Variants in CIMIP2A observed in about 807,000 individuals in gnomAD.
CIMIP2A encodes ciliary microtubule inner protein 2A.
chr9:137,247,684 G>A, the CIMIP2A span: 20 of 1,613,274 alleles, frequency 1.2e-5, no homozygotes, highest in Middle Eastern at 1.6e-4. Flanking sequence ...AGGCTCCGGC[G>A]TGAAGAGATC....
At chr9:137,250,386 C>G in the CIMIP2A span, 5 of 152,310 alleles carry the variant, frequency 3.3e-5, no homozygotes, top group Non-Finnish European at 7.3e-5. Context: ...CCCCGGAGCA[C>G]AGGCGTGAAC....
chr9:137,243,968 T>A, the CIMIP2A span, among the ~76,000 whole-genome samples: 1 of 152,036 alleles, frequency 6.6e-6, no homozygotes, highest in Non-Finnish European at 1.5e-5. Context: ...GGGCTCGGCC[T>A]GTGTCTGGGA....
chr9:137,245,333 C>A, the CIMIP2A span: 6 of 1,596,668 alleles, frequency 3.8e-6, no homozygotes, highest in Non-Finnish European at 5.1e-6. Context: ...GCCTCGCAAA[C>A]AGGAGTGGCG....
At chr9:137,251,785 G>A in the CIMIP2A span, 1 of 1,592,834 alleles carries the variant, frequency 6.3e-7, no homozygotes, top group African/African-American at 1.3e-5. Context: ...GGGATGGCCT[G>A]GGATGAGACA....
chr9:137,244,517 G>A, the CIMIP2A span: 8 of 1,511,648 alleles, frequency 5.3e-6, no homozygotes, highest in Admixed American at 1.6e-4. Flanking sequence ...GAGAGAGCCA[G>A]GCAGAGCCCC....
At chr9:137,247,843 A>G in the CIMIP2A span, 1 of 879,414 alleles carries the variant, frequency 1.1e-6, no homozygotes, top group Non-Finnish European at 1.8e-6. Flanking sequence ...GGGCCAGGCC[A>G]CCTCGCTAAC....
chr9:137,246,502 G>A, the CIMIP2A span, among the ~76,000 whole-genome samples: 5 of 152,244 alleles, frequency 3.3e-5, no homozygotes, highest in African/African-American at 7.2e-5. Context: ...GGTGGCTCAC[G>A]CCTGTCATCC....
At chr9:137,246,304 A>C in the CIMIP2A span, among the ~76,000 whole-genome samples, 14 of 152,338 alleles carry the variant, frequency 9.2e-5, no homozygotes, top group African/African-American at 2.9e-4. Context: ...CCACCCCAGG[A>C]GGCCAGTAGC....
the CIMIP2A span, chr9:137,243,764 G>A: frequency 2.5e-6 from 4 of 1,614,048 alleles, no homozygotes; most frequent in Non-Finnish European, 3.4e-6. Flanking sequence ...GTTGCCGAAT[G>A]TCAGGGCGTA....
chr9:137,252,900 A>C, the CIMIP2A span: 1 of 1,598,090 alleles, frequency 6.3e-7, no homozygotes, highest in Admixed American at 1.7e-5. Context: ...AGCCGCCTGC[A>C]GAGCCCCCGC....
At chr9:137,255,113 C>T in the CIMIP2A span, 8 of 161,900 alleles carry the variant, frequency 4.9e-5, no homozygotes, top group East Asian at 1.5e-3. Context: ...AGCAGACGGA[C>T]CCTGAGTCCG....
the CIMIP2A span, chr9:137,243,879 C>T: frequency 4.4e-6 from 6 of 1,353,592 alleles, no homozygotes; most frequent in Admixed American, 1.7e-5. Context: ...TGTGGGGCTG[C>T]CCTGGGCCCT....
At chr9:137,244,218 A>G in the CIMIP2A span, 1 of 1,613,872 alleles carries the variant, frequency 6.2e-7, no homozygotes, top group East Asian at 2.2e-5. Context: ...GCTGCTGTAG[A>G]TGTGGTTGCT....
At chr9:137,243,903 G>GTGGGGAACTTGCTTGT in the CIMIP2A span, 12 of 1,201,058 alleles carry the variant, frequency 1.0e-5, no homozygotes, top group East Asian at 9.4e-5. Context: ...TATCTGCTTG[G>GTGGGGAACTTGCTTGT]TGGGGAACTT....
the CIMIP2A span, chr9:137,251,850 C>A: frequency 6.2e-7 from 1 of 1,607,812 alleles, no homozygotes; most frequent in South Asian, 1.1e-5. Flanking sequence ...GACGGGCACC[C>A]CCCAGGAGTC....
chr9:137,254,422 A>C, the CIMIP2A span, among the ~76,000 whole-genome samples: 1 of 152,138 alleles, frequency 6.6e-6, no homozygotes, highest in Non-Finnish European at 1.5e-5. Flanking sequence ...TCACGGCTGC[A>C]CCACCAGGCA....
At chr9:137,253,028 G>T in the CIMIP2A span, 1 of 1,530,552 alleles carries the variant, frequency 6.5e-7, no homozygotes. Context: ...TGAGGACAAG[G>T]GTTCAGGGGC....
the CIMIP2A span, chr9:137,245,386 C>T: frequency 1.2e-6 from 2 of 1,613,388 alleles, no homozygotes; most frequent in Non-Finnish European, 1.7e-6. Context: ...TCCCAAGTCT[C>T]TGGAGTCTCC....
chr9:137,252,002 G>A, the CIMIP2A span: 4 of 1,610,474 alleles, frequency 2.5e-6, no homozygotes, highest in African/African-American at 2.7e-5. Flanking sequence ...TGTGGCCAGT[G>A]CTGGAGCAAC....
Sources: gnomAD v4.1 joint callset for allele counts (sites outside exome capture counted in the v4.1 genomes callset) on GRCh38, gnomAD v4.1.1 for gene constraint, MANE v1.5 for transcripts, NCBI Gene and HGNC (gene_info 2026-07-23, HGNC 2026-07-21) for gene names.